Variants in ARHGEF10 observed in about 807,000 individuals in gnomAD.
ARHGEF10 encodes Rho guanine nucleotide exchange factor (GEF) 10.
Under a neutral mutation model 147.4 loss-of-function variants are expected in ARHGEF10, and 140 were observed. The ratio of observed to expected loss-of-function variants is 0.95; its 90% CI spans 0.83 to 1.09. ARHGEF10 has a LOEUF of 1.09. ARHGEF10 is among the 50% of genes least tolerant of loss of function. The probability of loss-of-function intolerance (pLI) is 0.00; values close to 1 mark genes in which losing one functional copy is unlikely to be tolerated. For missense variants in ARHGEF10, 2,222 were observed against 1,752.7 expected (o/e 1.27, Z -4.78); for synonymous variants, 902 against 695.8 (o/e 1.30, Z -4.67).
At chr8:1,902,102 T>G (rs1262561827) in intron 15 of ARHGEF10, among the ~76,000 whole-genome samples, 1 of 152,166 alleles carries the variant, frequency 6.6e-6, no homozygotes, top group Non-Finnish European at 1.5e-5. Context: ...ATCTAGGTTT[T>G]AAGCCCCGCG....
chr8:1,912,891 C>T (rs888575422), intron 18 of ARHGEF10, among the ~76,000 whole-genome samples: 12 of 152,282 alleles, frequency 7.9e-5, no homozygotes, highest in Non-Finnish European at 1.8e-4. Flanking sequence ...GAAGATCGAG[C>T]GTGAGCCGTC....
At chr8:1,946,017 C>T (rs1814559818) in intron 27 of ARHGEF10, 2 of 422,492 alleles carry the variant, frequency 4.7e-6, no homozygotes, top group Non-Finnish European at 8.9e-6. Context: ...CTGAAGAACA[C>T]AGAACAGGAG....
chr8:1,904,984 C>T (rs752331253), intron 16 of ARHGEF10, among the ~76,000 whole-genome samples: 3 of 152,090 alleles, frequency 2.0e-5, no homozygotes, highest in Non-Finnish European at 4.4e-5. Flanking sequence ...AACAAATTAG[C>T]TGGGTGTGGT....
intron 27 of ARHGEF10, among the ~76,000 whole-genome samples, chr8:1,947,469 G>A (rs1237776049): frequency 6.6e-6 from 1 of 152,186 alleles, no homozygotes; most frequent in Non-Finnish European, 1.5e-5. Context: ...GAAGGCTCTG[G>A]CAAGTGTGAG....
At chr8:1,889,810 G>GGGT (rs1348854678) in intron 11 of ARHGEF10, among the ~76,000 whole-genome samples, 50 of 141,266 alleles carry the variant, frequency 3.5e-4, no homozygotes, top group African/African-American at 1.2e-3. Flanking sequence ...ACACTTCATG[G>GGGT]GAGGAGGGTT....
At chr8:1,866,393 C>T in intron 5 of ARHGEF10, 133 bp from the exon 6 acceptor site, 1 of 793,824 alleles carries the variant, frequency 1.3e-6, no homozygotes, top group Non-Finnish European at 2.2e-6. Flanking sequence ...ATGTGATTTC[C>T]TGTATAGTAA....
At chr8:1,887,062 C>T (rs893588190) in intron 11 of ARHGEF10, among the ~76,000 whole-genome samples, 8 of 152,162 alleles carry the variant, frequency 5.3e-5, no homozygotes, top group African/African-American at 1.2e-4. Flanking sequence ...TCCTATGAGG[C>T]GCTCAATAGG....
chr8:1,874,402 C>G (rs748547663), intron 7 of ARHGEF10, among the ~76,000 whole-genome samples: 1 of 152,122 alleles, frequency 6.6e-6, no homozygotes, highest in African/African-American at 2.4e-5. Flanking sequence ...AACTGCTGTG[C>G]GGAATACAGA....
chr8:1,834,160 C>T (rs1293240443), intron 1 of ARHGEF10, among the ~76,000 whole-genome samples: 5 of 152,212 alleles, frequency 3.3e-5, no homozygotes, highest in Non-Finnish European at 5.9e-5. Flanking sequence ...GTGGCCGGTC[C>T]GGGGCTGCTT....
intron 4 of ARHGEF10, among the ~76,000 whole-genome samples, chr8:1,860,393 C>A (rs1473528634): frequency 7.0e-6 from 1 of 142,054 alleles, no homozygotes; most frequent in Non-Finnish European, 1.5e-5. Context: ...AACCTTCCCC[C>A]CTCCTCCTCC....
rs141123890 is a variant in ARHGEF10, at chr8:1,929,439, C to T, written c.3075C>T (p.Ala1025=). The change falls in exon 25 of 29, where the codon GCC becomes GCT. Residue 1025 remains alanine (A), a synonymous_variant. Transcript: ENST00000349830. ...GGGCAGTCGCCAGCTACGCCAGAGC[C>T]CCAGGTGAGGCGGGTCTCACGGCCT... ...VNGAVASYAR[A]PDGSWDSEPQ... The T allele has an allele frequency of 1.2e-4, 188 of 1,606,290 alleles. No individual in the cohort carries two copies. The highest frequency in any genetic ancestry group is 4.1e-5 in the Non-Finnish European group (48 of 1,176,140).
At chr8:1,896,820 G>A (rs1167337661) in intron 14 of ARHGEF10, among the ~76,000 whole-genome samples, 1 of 152,170 alleles carries the variant, frequency 6.6e-6, no homozygotes, top group Non-Finnish European at 1.5e-5. Flanking sequence ...GAGAGGCACC[G>A]GCCTGGAGAG....
At position 1,945,575 on chromosome 8, in the gene ARHGEF10, C is replaced by T. The variant is rs367794138; in HGVS notation, c.3317C>T (p.Thr1106Met). 5.8e-5 allele frequency: 93 copies of T among 1,614,124 alleles called. No individual in the cohort carries two copies. The highest frequency in any genetic ancestry group is 7.3e-5 in the Non-Finnish European group (86 of 1,180,046). ...GIWIAFTSGS[T>M]LRLFHTETLK... ...TGGATTGCCTTCACCTCAGGGTCCACGCTCCGCCTTTTTCACACGGAAACT... is the reference window on the plus strand; with the variant it reads ...TGGATTGCCTTCACCTCAGGGTCCATGCTCCGCCTTTTTCACACGGAAACT... Residue 1106 changes from threonine (T) to methionine (M), a missense_variant, in exon 27 of 29, where the codon ACG (threonine) becomes ATG (methionine). Thr to Met is a moderately conservative substitution (Grantham distance 81). Transcript: ENST00000349830.
chr8:1,850,208 A>ACGCCC (rs1804994656), intron 2 of ARHGEF10, among the ~76,000 whole-genome samples: 1 of 136,484 alleles, frequency 7.3e-6, no homozygotes. Context: ...CCACATGGGC[A>ACGCCC]TGGATGGCAA....
Position 1,898,464 on chromosome 8 carries a change from CGCTCTACA to C in ARHGEF10, c.1592_1599del (p.Leu531ProfsTer49), listed in dbSNP as rs1810195049. The C allele has an allele frequency of 6.2e-7, 1 of 1,614,018 alleles. No individual in the cohort carries two copies. Among genetic ancestry groups the C allele is most frequent in the African/African-American group, 1.3e-5 (1 of 74,930 alleles). On this transcript the variant is annotated frameshift_variant, in exon 15 of 29. Transcript: ENST00000349830. LOFTEE classifies it high-confidence loss of function. Reference sequence around the variant, plus strand: ...CAGGAGGCCAGCCCCGATCGAACCACGCTCTACAGCCTGATGATGAAGCCCATCCAGAG... The same window carrying C: ...CAGGAGGCCAGCCCCGATCGAACCACGCCTGATGATGAAGCCCATCCAGAG...
At chr8:1,888,938 T>TGAGGA (rs1809103196) in intron 11 of ARHGEF10, among the ~76,000 whole-genome samples, 2 of 65,172 alleles carry the variant, frequency 3.1e-5, no homozygotes, top group African/African-American at 1.1e-4. Context: ...GAGGGGTCTG[T>TGAGGA]GACGAGACAC....
intron 4 of ARHGEF10, among the ~76,000 whole-genome samples, chr8:1,862,590 C>G (rs552875359): frequency 6.6e-6 from 1 of 152,288 alleles, no homozygotes; most frequent in South Asian, 2.1e-4. Context: ...GGGTGGAGCC[C>G]TGAGAGGGCT....
chr8:1,866,674 C>G (rs1223134899), intron 6 of ARHGEF10, 72 bp downstream of exon 6: 16 of 1,378,716 alleles, frequency 1.2e-5, no homozygotes, highest in Non-Finnish European at 1.5e-5. Context: ...GGGGCCGGGT[C>G]CCTGAGTCTC....
chr8:1,832,908 ACAGACAGAGG>A (rs1193548845), intron 1 of ARHGEF10, among the ~76,000 whole-genome samples: 3,239 of 108,832 alleles, frequency 0.03, 276 homozygotes, highest in Non-Finnish European at 0.034. Context: ...AGACAGAGAG[ACAGACAGAGG>A]CAGAGACAGA....
Sources: gnomAD v4.1 joint callset for allele counts (sites outside exome capture counted in the v4.1 genomes callset) on GRCh38, gnomAD v4.1.1 for gene constraint, MANE v1.5 for transcripts, NCBI Gene and HGNC (gene_info 2026-07-23, HGNC 2026-07-21) for gene names.